Variants in NALCN observed in about 807,000 individuals in gnomAD.
The protein encoded by NALCN is sodium leak channel NALCN.
A neutral mutation model predicts 225.3 loss-of-function variants in NALCN; 111 were observed. The observed-to-expected ratio is 0.49, with a 90% CI of 0.42 to 0.58. The LOEUF is 0.58. Among genes scored for constraint, NALCN ranks in the 20% least tolerant of loss-of-function variants. The pLI is 0.00. For missense variants in NALCN, 1,378 were observed against 2,202.4 expected, an observed-to-expected ratio of 0.63 and a Z score of 7.49; for synonymous variants, 764 against 769.0, an observed-to-expected ratio of 0.99 and a Z score of 0.11.
intron 15 of NALCN, among the ~76,000 whole-genome samples, chr13:101,172,859 G>C (rs1020358665): frequency 6.6e-6 from 1 of 152,012 alleles, no homozygotes; most frequent in Non-Finnish European, 1.5e-5. Flanking sequence ...GAGCCACCGC[G>C]CCTGGCCAAC....
chr13:101,064,314 A>G (rs1455663792), intron 40 of NALCN, among the ~76,000 whole-genome samples: 1 of 152,162 alleles, frequency 6.6e-6, no homozygotes, highest in Non-Finnish European at 1.5e-5. Context: ...CCCCCTTGCA[A>G]GTCCATGGGC....
In NALCN at chr13:101,360,130, TTC is replaced by T. The variant is rs1255848651; in HGVS notation, c.645-14712_645-14711del. 5.5e-5 allele frequency among the ~76,000 whole-genome samples: 8 copies of T among 145,136 alleles called. 1 individual carries two copies. In the East Asian group the frequency reaches 9.7e-4, roughly 18 times the overall value. ...TTTCTCTTTTTCTTTCCTTTCTTTT[TTC>T]TTTCTTTCTCTCTTTTTTTCTTTCT... is the stretch of plus-strand genomic sequence containing the variant. On this transcript the variant is annotated intron_variant, in intron 6 of 43. Transcript: ENST00000251127.
In NALCN at chr13:101,110,616, T is replaced by C. The variant is rs1266198804; in HGVS notation, c.2364+3A>G. 6.2e-7 allele frequency: 1 copy of C among 1,613,924 alleles called. No individual in the cohort carries two copies. The highest frequency in any genetic ancestry group is 1.7e-5 in the Admixed American group (1 of 60,028). ...GAAATCCAAAGCATTGCTTAAAACT[T>C]ACATCTTGAGTCAAAGTTTCAAGAG... On this transcript the variant is annotated splice_donor_region_variant and intron_variant, in intron 20 of 43. Coordinates refer to ENST00000251127, the MANE Select transcript of NALCN (RefSeq NM_052867.4).
chr13:101,058,426 G>T, intron 42 of NALCN: 4 of 151,804 alleles, frequency 2.6e-5, no homozygotes, highest in Non-Finnish European at 4.3e-5. Context: ...CTGGGCGGGG[G>T]CAGTCTACTG....
intron 41 of NALCN, among the ~76,000 whole-genome samples, chr13:101,061,758 A>T (rs2031957854): frequency 6.6e-6 from 1 of 152,194 alleles, no homozygotes; most frequent in East Asian, 1.9e-4. Context: ...GGACTCTGCT[A>T]AAGAGGGCAG....
At chr13:101,302,718 G>A (rs1039709460) in intron 7 of NALCN, among the ~76,000 whole-genome samples, 1 of 152,042 alleles carries the variant, frequency 6.6e-6, no homozygotes, top group Non-Finnish European at 1.5e-5. Context: ...TTAACTAACT[G>A]CTAAAAATTT....
At chr13:101,284,158 A>T (rs985994398) in intron 9 of NALCN, 139 bp from the exon 10 acceptor site, 1 of 650,298 alleles carries the variant, frequency 1.5e-6, no homozygotes, top group South Asian at 2.1e-5. Context: ...AGTCATTTCA[A>T]TTATAGTTCT....
At chr13:101,144,326 G>A (rs1249547369) in intron 16 of NALCN, among the ~76,000 whole-genome samples, 4 of 152,166 alleles carry the variant, frequency 2.6e-5, no homozygotes, top group Non-Finnish European at 5.9e-5. Flanking sequence ...CACTGTAGTA[G>A]TACACAAACT....
At chr13:101,368,891 A>T (rs1158543543) in intron 6 of NALCN, 1 of 214,230 alleles carries the variant, frequency 4.7e-6, no homozygotes, top group Non-Finnish European at 9.8e-6. Flanking sequence ...CTGTAGTCCC[A>T]GCTACTTGGG....
rs1417849927 is a variant in NALCN, at chr13:101,334,362, G to GT, written c.799+10903dup. ...GACAGGTGAGTCACAGGAGATGGGG[G>GT]TAGGGGGAGCGGTAGGAGAGAGGCA... On this transcript the variant is annotated intron_variant, in intron 7 of 43. Coordinates refer to ENST00000251127, the MANE Select transcript of NALCN (RefSeq NM_052867.4). Among the ~76,000 whole-genome samples the GT allele has an allele frequency of 1.0e-4, 8 of 79,762 alleles. No individual in the cohort carries two copies. The South Asian group carries it at 2.1e-3, about 21-fold the overall frequency. The allele number at this position is 79,762 out of a possible 152,430, so 52.3% of individuals were successfully genotyped here.
At position 101,089,614 on chromosome 13, in the gene NALCN, G is replaced by T. The variant is rs766270596; in HGVS notation, c.3489+49C>A. 5 of 1,532,360 alleles carry T rather than the reference G, an allele frequency of 3.3e-6. No individual in the cohort carries two copies. Among genetic ancestry groups the T allele is most frequent in the Non-Finnish European group, 4.5e-6 (5 of 1,112,070 alleles). 94.9% of individuals were successfully genotyped at this position (1,532,360 alleles called of 1,614,324 possible). On this transcript the variant is annotated intron_variant, in intron 30 of 43. Coordinates refer to ENST00000251127, the MANE Select transcript of NALCN (RefSeq NM_052867.4). This position sits in a 1 kb window ranked among gnomAD's most constrained non-coding sequence, Gnocchi z 4.7. Reference sequence around the variant, plus strand: ...AAAAGAAACAAATAGCTCAAAGTGAGTGGCTAGAAAAGGCTAAACCCTGTG... The same window carrying T: ...AAAAGAAACAAATAGCTCAAAGTGATTGGCTAGAAAAGGCTAAACCCTGTG...
At chr13:101,270,342 T>C (rs924885997) in intron 10 of NALCN, among the ~76,000 whole-genome samples, 4 of 152,220 alleles carry the variant, frequency 2.6e-5, no homozygotes, top group Non-Finnish European at 4.4e-5. Context: ...CACAGCTAAT[T>C]AAATTCCTAC....
At chr13:101,220,805 T>C (rs2040907736) in intron 13 of NALCN, among the ~76,000 whole-genome samples, 1 of 152,238 alleles carries the variant, frequency 6.6e-6, no homozygotes. Flanking sequence ...TTGCCATTTA[T>C]ACAGATAATA....
chr13:101,249,642 TAAAAA>T (rs1402506006), intron 11 of NALCN, among the ~76,000 whole-genome samples: 7 of 152,032 alleles, frequency 4.6e-5, no homozygotes, highest in Admixed American at 1.3e-4. Flanking sequence ...ACTAAGAAAT[TAAAAA>T]GGAAAGTCTG....
At chr13:101,080,819 C>CT (rs1315954200) in intron 34 of NALCN, among the ~76,000 whole-genome samples, 2 of 150,716 alleles carry the variant, frequency 1.3e-5, no homozygotes, top group Non-Finnish European at 3.0e-5. Context: ...TAAACCACTA[C>CT]TTTTTTATTG....
intron 37 of NALCN, among the ~76,000 whole-genome samples, chr13:101,072,301 G>A (rs2032947683): frequency 6.6e-6 from 1 of 152,190 alleles, no homozygotes; most frequent in Non-Finnish European, 1.5e-5. Flanking sequence ...AAGGCAATAA[G>A]GGAAGCACAG....
In NALCN at chr13:101,159,692, G is replaced by A. The variant is rs1300652481; in HGVS notation, c.1840-14796C>T. ...TAGATCTAGAAGAGATCTTGTCAGG[G>A]TCTAGTGCAGGGGCCCAGATTTAAA... On this transcript the variant is annotated intron_variant, in intron 15 of 43. Coordinates refer to ENST00000251127, the MANE Select transcript of NALCN (RefSeq NM_052867.4). Among the ~76,000 whole-genome samples the A allele has an allele frequency of 3.3e-5, 5 of 152,246 alleles. No homozygotes were observed. The East Asian group carries it at 5.8e-4, about 18-fold the overall frequency.
rs781354803 is a variant in NALCN at position 101,229,381 on chromosome 13, T to A, written c.1626+12A>T. ...CAATGAATTTAACTTACTGCATTTT[T>A]AAAACTCTTACCCTCGGAAACGTAG... On this transcript the variant is annotated intron_variant, in intron 13 of 43. Transcript: ENST00000251127. The A allele has an allele frequency of 4.0e-6, 6 of 1,504,772 alleles. No individual in the cohort carries two copies. The highest frequency in any genetic ancestry group is 1.4e-5 in the South Asian group (1 of 73,496). 93.2% of individuals were successfully genotyped at this position (1,504,772 alleles called of 1,614,324 possible).
chr13:101,340,135 A>G (rs890431829), intron 7 of NALCN, among the ~76,000 whole-genome samples: 16 of 152,084 alleles, frequency 1.1e-4, no homozygotes, highest in African/African-American at 3.1e-4. Flanking sequence ...AGGCATGGTG[A>G]TGGGCGCCTG....
Sources: gnomAD v4.1 joint callset for allele counts (sites outside exome capture counted in the v4.1 genomes callset) on GRCh38, gnomAD v4.1.1 for gene constraint, Gnocchi (gnomAD v3.1) non-coding constraint, MANE v1.5 for transcripts, NCBI Gene and HGNC (gene_info 2026-07-23, HGNC 2026-07-21) for gene names.